Variants in GRB14 observed in about 807,000 individuals in gnomAD.
GRB14 encodes the protein growth factor receptor-bound protein 14.
A neutral mutation model predicts 69.1 loss-of-function variants in GRB14; 38 were observed. The observed-to-expected ratio is 0.55, with a 90% CI of 0.42 to 0.72. The LOEUF (loss-of-function observed/expected upper bound fraction) is 0.72. Ranked by LOEUF, GRB14 falls within the 30% of genes least tolerant of loss-of-function variation. The pLI is 0.00. For missense variants in GRB14, 666 were observed against 666.1 expected (o/e 1.00, Z 0.00); for synonymous variants, 247 against 241.3 (o/e 1.02, Z -0.22).
At position 164,619,674 on chromosome 2, in the gene GRB14, T is replaced by C; in HGVS notation, c.324+13A>G. 6.4e-7 allele frequency: 1 copy of C among 1,563,064 alleles called. No individual in the cohort carries two copies. Among genetic ancestry groups the C allele is most frequent in the Non-Finnish European group, 8.6e-7 (1 of 1,159,542 alleles). ...CCTAAGATTTTTGAAATTTAAAATT[T>C]AAAAATGCATACCTGTTTTTTCCTT... is the stretch of plus-strand genomic sequence containing the variant. On this transcript the variant is annotated intron_variant, in intron 2 of 13. Coordinates refer to ENST00000263915, the MANE Select transcript of GRB14 (RefSeq NM_004490.3).
chr2:164,525,042 C>T lies in GRB14; in HGVS notation c.640G>A (p.Glu214Lys). The change falls in exon 5 of 14, where the codon GAA becomes AAA. Residue 214 changes from glutamate to lysine, a missense_variant. Transcript: ENST00000263915. ...FPEHMVSFATETNGEISPTQI... is the reference protein window; with the variant it reads ...FPEHMVSFATKTNGEISPTQI... ...GTGGGGGATATTTCACCATTGGTTTCAGTTGCAAAAGATACCATATGCTCT... is the reference window on the plus strand; with the variant it reads ...GTGGGGGATATTTCACCATTGGTTTTAGTTGCAAAAGATACCATATGCTCT... The T allele has an allele frequency of 6.3e-7, 1 of 1,593,480 alleles. No homozygotes were observed. The highest frequency in any genetic ancestry group is 8.6e-7 in the Non-Finnish European group (1 of 1,168,056).
intron 6 of GRB14, among the ~76,000 whole-genome samples, chr2:164,509,441 T>C (rs1687280752): frequency 1.3e-5 from 2 of 152,192 alleles, no homozygotes; most frequent in Non-Finnish European, 2.9e-5. Flanking sequence ...GAGGAATGTT[T>C]CTGATTTTCA....
chr2:164,581,075 A>G (rs1204004090), intron 2 of GRB14, among the ~76,000 whole-genome samples: 2 of 152,182 alleles, frequency 1.3e-5, no homozygotes, highest in Admixed American at 1.3e-4. Context: ...AATAGGAAAT[A>G]CATTGTATTT....
chr2:164,619,362 C>T (rs548089878), intron 2 of GRB14, among the ~76,000 whole-genome samples: 1 of 152,344 alleles, frequency 6.6e-6, no homozygotes, highest in East Asian at 1.9e-4. Context: ...GTCCCAGCCT[C>T]TGCCCAATTC....
chr2:164,537,885 G>T (rs945291253), intron 3 of GRB14, among the ~76,000 whole-genome samples: 2 of 152,080 alleles, frequency 1.3e-5, no homozygotes, highest in South Asian at 4.1e-4. Flanking sequence ...GCTTCACAAT[G>T]ATTTCTGCTG....
intron 2 of GRB14, among the ~76,000 whole-genome samples, chr2:164,594,888 G>T (rs996664376): frequency 1.3e-5 from 2 of 152,182 alleles, no homozygotes; most frequent in Non-Finnish European, 1.5e-5. Flanking sequence ...TTCAAGGTCA[G>T]ACTTTACAGT....
chr2:164,515,052 C>A (rs1018150819), intron 6 of GRB14, among the ~76,000 whole-genome samples: 3 of 152,180 alleles, frequency 2.0e-5, no homozygotes, highest in Admixed American at 6.5e-5. Context: ...GCAGCCGCAG[C>A]AAGCCCTGCC....
chr2:164,568,567 C>T, intron 2 of GRB14: 4 of 705,356 alleles, frequency 5.7e-6, no homozygotes, highest in Non-Finnish European at 7.0e-6. Context: ...CAGGACAAGG[C>T]AGCAACCAAT....
intron 2 of GRB14, among the ~76,000 whole-genome samples, chr2:164,561,902 CTAGA>C (rs1399739736): frequency 6.6e-6 from 1 of 151,952 alleles, no homozygotes; most frequent in Non-Finnish European, 1.5e-5. Context: ...CAAGTTGGAG[CTAGA>C]TAAAGGTAAT....
At position 164,494,490 on chromosome 2, in the gene GRB14, TG is replaced by T; in HGVS notation, c.1416del (p.Thr474LeufsTer6). 1.2e-6 allele frequency: 2 copies of T among 1,602,328 alleles called. No homozygotes were observed. The highest frequency in any genetic ancestry group is 1.7e-6 in the Non-Finnish European group (2 of 1,169,408). On this transcript the variant is annotated frameshift_variant, in exon 13 of 14. Coordinates refer to ENST00000263915, the MANE Select transcript of GRB14 (RefSeq NM_004490.3). LOFTEE classifies it high-confidence loss of function. Reference protein sequence around the residue: ...VFLVRDSQSNPKTFVLSMSHG... With the variant: ...VFLVRDSQSNXKTFVLSMSHG... Reference sequence around the variant, plus strand: ...TGACTCATTGACAGTACGAAAGTTTTGGGGTTACTCTGACTATCCCGTACCA... The same window carrying T: ...TGACTCATTGACAGTACGAAAGTTTTGGGTTACTCTGACTATCCCGTACCA...
Position 164,600,869 on chromosome 2 carries a change from C to T in GRB14, c.324+18818G>A, listed in dbSNP as rs1291421596. Among the ~76,000 whole-genome samples, 3 of 152,038 alleles carry T rather than the reference C, an allele frequency of 2.0e-5. No individual in the cohort carries two copies. In the East Asian group the frequency reaches 5.8e-4, roughly 29 times the overall value. On this transcript the variant is annotated intron_variant, in intron 2 of 13. Transcript: ENST00000263915. ...CTCTGCACTGATATTTATAGCCCCA[C>T]ATTTATTATAATGATGAGTATTTGG...
intron 2 of GRB14, among the ~76,000 whole-genome samples, chr2:164,578,429 T>TC (rs1459496591): frequency 6.7e-6 from 1 of 148,488 alleles, no homozygotes; most frequent in Non-Finnish European, 1.5e-5. Flanking sequence ...AAACTAATAA[T>TC]CCAAATACAG....
chr2:164,582,424 AT>A (rs67781422), intron 2 of GRB14, among the ~76,000 whole-genome samples: 59,862 of 115,536 alleles, frequency 0.52, 13,594 homozygotes, highest in Admixed American at 0.61. Context: ...TTTATTTATT[AT>A]TTTTTTTTTT....
intron 2 of GRB14, among the ~76,000 whole-genome samples, chr2:164,605,635 A>T (rs1430290972): frequency 6.6e-6 from 1 of 152,226 alleles, no homozygotes; most frequent in African/African-American, 2.4e-5. Context: ...AAGTAGTCAA[A>T]ATGTCTAAAA....
At chr2:164,609,125 G>A (rs1273847260) in intron 2 of GRB14, among the ~76,000 whole-genome samples, 1 of 152,180 alleles carries the variant, frequency 6.6e-6, no homozygotes, top group African/African-American at 2.4e-5. Context: ...GGCAGATACT[G>A]TGGCACAACA....
chr2:164,501,371 C>T (rs1044630449), intron 9 of GRB14, among the ~76,000 whole-genome samples: 5 of 152,000 alleles, frequency 3.3e-5, no homozygotes, highest in Admixed American at 6.6e-5. Flanking sequence ...TGGTCACATA[C>T]ATGAAGAGCA....
chr2:164,535,137 C>A (rs1688048360), intron 3 of GRB14, among the ~76,000 whole-genome samples: 1 of 151,916 alleles, frequency 6.6e-6, no homozygotes, highest in Non-Finnish European at 1.5e-5. Flanking sequence ...AAGGCTTTTT[C>A]AAAACAAAAA....
At chr2:164,612,004 C>G (rs1192604457) in intron 2 of GRB14, among the ~76,000 whole-genome samples, 2 of 152,080 alleles carry the variant, frequency 1.3e-5, no homozygotes, top group Non-Finnish European at 2.9e-5. Context: ...AATTGTAGAG[C>G]TCTCAGGTAC....
chr2:164,500,211 A>G (rs948705155), intron 9 of GRB14, among the ~76,000 whole-genome samples: 1 of 152,124 alleles, frequency 6.6e-6, no homozygotes, highest in Non-Finnish European at 1.5e-5. Flanking sequence ...TTCCCTAAAA[A>G]GGACCAAATA....
Sources: allele counts gnomAD v4.1 joint callset (sites outside exome capture counted in the v4.1 genomes callset), GRCh38; gene constraint gnomAD v4.1.1; transcripts MANE v1.5; gene names NCBI Gene and HGNC (gene_info 2026-07-23, HGNC 2026-07-21).